Variants in GRIK4 observed in about 807,000 individuals in gnomAD.
GRIK4 encodes the protein glutamate receptor ionotropic, kainate 4.
A neutral mutation model predicts 104.9 loss-of-function variants in GRIK4; 40 were observed. That is an observed-to-expected ratio of 0.38 (90% CI 0.30 to 0.50). The LOEUF (loss-of-function observed/expected upper bound fraction) is 0.50. Ranked by LOEUF, GRIK4 falls within the 20% of genes least tolerant of loss-of-function variation. The pLI is 0.93. For synonymous variants in GRIK4, 485 were observed against 524.9 expected (o/e 0.92, Z 1.04); for missense variants, 1,047 against 1,308.1 (o/e 0.80, Z 3.08).
intron 1 of GRIK4, among the ~76,000 whole-genome samples, chr11:120,614,964 A>C (rs1949089997): frequency 6.6e-6 from 1 of 152,210 alleles, no homozygotes; most frequent in South Asian, 2.1e-4. Context: ...GCGCCACTGC[A>C]CTCCAGCCTG....
At chr11:120,733,669 A>G (rs966942596) in intron 3 of GRIK4, among the ~76,000 whole-genome samples, 4 of 150,302 alleles carry the variant, frequency 2.7e-5, no homozygotes, top group Non-Finnish European at 5.9e-5. Flanking sequence ...TTTATGTCAT[A>G]TTGTACTATG....
chr11:120,624,144 T>C (rs903658993), intron 1 of GRIK4, among the ~76,000 whole-genome samples: 2 of 152,180 alleles, frequency 1.3e-5, no homozygotes, highest in Non-Finnish European at 2.9e-5. Context: ...AGATAGTGTT[T>C]TTAAGTGATT....
intron 3 of GRIK4, among the ~76,000 whole-genome samples, chr11:120,716,406 G>C (rs945672582): frequency 6.6e-6 from 1 of 152,086 alleles, no homozygotes; most frequent in Non-Finnish European, 1.5e-5. Context: ...ACTGTGCCCA[G>C]CTAATTTTTG....
chr11:120,587,786 C>G (rs1342196903), intron 1 of GRIK4, among the ~76,000 whole-genome samples: 1 of 152,188 alleles, frequency 6.6e-6, no homozygotes, highest in Non-Finnish European at 1.5e-5. Context: ...CCAGTCAGCT[C>G]TGGTGCTGAG....
At position 120,605,250 on chromosome 11, in the gene GRIK4, C is replaced by G. The variant is rs560428991; in HGVS notation, c.-158-48435C>G. Among the ~76,000 whole-genome samples the G allele has an allele frequency of 2.6e-5, 4 of 152,270 alleles. No homozygotes were observed. In the South Asian group the frequency reaches 8.3e-4, roughly 32 times the overall value. The stretch of plus-strand genomic sequence containing the variant: ...CAGTGATGGCTGTTAAATATCAAAA[C>G]GAGTATTTGAGGGAGGCTAGGCACC... On this transcript the variant is annotated intron_variant, in intron 1 of 20. Transcript: ENST00000527524.
intron 11 of GRIK4, among the ~76,000 whole-genome samples, chr11:120,884,238 G>A (rs925691085): frequency 6.6e-6 from 1 of 152,368 alleles, no homozygotes; most frequent in Non-Finnish European, 1.5e-5. Context: ...TATTGTGAGA[G>A]CAAAATGAAA....
intron 3 of GRIK4, among the ~76,000 whole-genome samples, chr11:120,724,018 T>A (rs1950982370): frequency 6.6e-6 from 1 of 152,090 alleles, no homozygotes; most frequent in African/African-American, 2.4e-5. Context: ...TCCTATGGTT[T>A]TGACTTTCCT....
At chr11:120,522,467 G>A (rs1249680709) in intron 1 of GRIK4, among the ~76,000 whole-genome samples, 2 of 152,122 alleles carry the variant, frequency 1.3e-5, no homozygotes, top group Admixed American at 6.5e-5. Flanking sequence ...GTCTACAGGT[G>A]TGTACCACCA....
chr11:120,821,892 A>G (rs1953135942), intron 6 of GRIK4, among the ~76,000 whole-genome samples: 1 of 152,204 alleles, frequency 6.6e-6, no homozygotes, highest in Admixed American at 6.5e-5. Context: ...TGGAAAACTA[A>G]GCAGGGTCGA....
intron 6 of GRIK4, among the ~76,000 whole-genome samples, chr11:120,826,524 T>G (rs1345857870): frequency 6.6e-6 from 1 of 152,206 alleles, no homozygotes; most frequent in African/African-American, 2.4e-5. Flanking sequence ...CACTGAAGGT[T>G]ATTCTCAGAG....
At chr11:120,762,398 T>C (rs1951766382) in intron 3 of GRIK4, among the ~76,000 whole-genome samples, 1 of 152,228 alleles carries the variant, frequency 6.6e-6, no homozygotes, top group Admixed American at 6.5e-5. Flanking sequence ...CAGAAATAAT[T>C]TGACTTCCTC....
At chr11:120,915,221 G>T (rs1437976082) in intron 13 of GRIK4, among the ~76,000 whole-genome samples, 1 of 152,030 alleles carries the variant, frequency 6.6e-6, no homozygotes, top group Non-Finnish European at 1.5e-5. Flanking sequence ...AGGTGTACTT[G>T]AAAATAAAGG....
At chr11:120,847,006 G>T (rs1360363231) in intron 8 of GRIK4, among the ~76,000 whole-genome samples, 1 of 152,138 alleles carries the variant, frequency 6.6e-6, no homozygotes, top group Non-Finnish European at 1.5e-5. Context: ...TTACCCAGAA[G>T]TATCTGTCCT....
intron 13 of GRIK4, among the ~76,000 whole-genome samples, chr11:120,919,137 A>G (rs1318485618): frequency 2.0e-5 from 3 of 152,206 alleles, no homozygotes; most frequent in African/African-American, 7.2e-5. Context: ...ATAGACAAGT[A>G]GGAATTTGAC....
chr11:120,913,531 A>G (rs918942911), intron 13 of GRIK4, among the ~76,000 whole-genome samples: 2 of 151,752 alleles, frequency 1.3e-5, no homozygotes, highest in Non-Finnish European at 2.9e-5. Flanking sequence ...GGGAAGAGAC[A>G]GAGTCCCCCT....
intron 3 of GRIK4, among the ~76,000 whole-genome samples, chr11:120,724,360 CA>C (rs762269204): frequency 6.6e-5 from 10 of 152,162 alleles, no homozygotes; most frequent in Non-Finnish European, 1.5e-4. Flanking sequence ...AAATGGACTA[CA>C]ATGTATCTAT....
intron 3 of GRIK4, among the ~76,000 whole-genome samples, chr11:120,711,031 T>C: frequency 6.8e-6 from 1 of 147,246 alleles, no homozygotes. Context: ...AGGGCCCTGC[T>C]CTCCCATTCC....
chr11:120,664,178 T>C lies in GRIK4; in HGVS notation c.82+3778T>C, dbSNP rs191951476. On this transcript the variant is annotated intron_variant, in intron 3 of 20. Transcript: ENST00000527524. Reference sequence around the variant, plus strand: ...GTTTTAAATGGCACTGTCTTACCTATGCATAAAGAGGTAAACTTATTGGAG... The same window carrying C: ...GTTTTAAATGGCACTGTCTTACCTACGCATAAAGAGGTAAACTTATTGGAG... 5.9e-5 allele frequency among the ~76,000 whole-genome samples: 9 copies of C among 152,248 alleles called. No homozygotes were observed. The East Asian group carries it at 1.7e-3, about 29-fold the overall frequency.
At chr11:120,759,465 T>A (rs1336183233) in intron 3 of GRIK4, among the ~76,000 whole-genome samples, 1 of 152,012 alleles carries the variant, frequency 6.6e-6, no homozygotes, top group Non-Finnish European at 1.5e-5. Flanking sequence ...AAGATTGGCT[T>A]CTCCCAAGAT....
Sources: allele counts gnomAD v4.1 joint callset (sites outside exome capture counted in the v4.1 genomes callset), GRCh38; gene constraint gnomAD v4.1.1; transcripts MANE v1.5; gene names NCBI Gene and HGNC (gene_info 2026-07-23, HGNC 2026-07-21).